The following EFHC1 variants were observed in gnomAD, a reference collection of about 807,000 sequenced individuals.
EFHC1 encodes the protein EF-hand domain containing 1.
In EFHC1, 53 loss-of-function variants were observed where a neutral mutation model predicts 69.9. The ratio of observed to expected loss-of-function variants is 0.76; its 90% CI spans 0.61 to 0.95. EFHC1 has a LOEUF of 0.95. Among genes scored for constraint, EFHC1 ranks in the 40% least tolerant of loss-of-function variants. The pLI, the probability that EFHC1 is intolerant of heterozygous loss-of-function variation, is 0.00. For synonymous variants in EFHC1, 256 were observed against 278.4 expected (o/e 0.92, Z 0.80); for missense variants, 739 against 798.7 (o/e 0.93, Z 0.90).
intron 5 of EFHC1, among the ~76,000 whole-genome samples, chr6:52,462,700 A>T (rs1239629565): frequency 6.6e-6 from 1 of 152,098 alleles, no homozygotes; most frequent in Admixed American, 6.5e-5. Flanking sequence ...AGCCTGGCTA[A>T]TGTGGTGTGA....
chr6:52,462,061 A>G (rs566743086), intron 5 of EFHC1, among the ~76,000 whole-genome samples: 1 of 152,070 alleles, frequency 6.6e-6, no homozygotes, highest in Non-Finnish European at 1.5e-5. Flanking sequence ...ATAAACAGGT[A>G]TAAGACTTGA....
intron 2 of EFHC1, among the ~76,000 whole-genome samples, chr6:52,436,335 C>T (rs1477824639): frequency 6.6e-6 from 1 of 152,034 alleles, no homozygotes; most frequent in East Asian, 1.9e-4. Context: ...CTTGCCAGTT[C>T]TCTTGGTTTT....
At chr6:52,420,803 C>A (rs1764173488) in intron 1 of EFHC1, among the ~76,000 whole-genome samples, 1 of 152,080 alleles carries the variant, frequency 6.6e-6, no homozygotes, top group Non-Finnish European at 1.5e-5. Context: ...GCCTCTTGTC[C>A]CTTTAGATCA....
At chr6:52,436,842 A>G (rs906176298) in intron 2 of EFHC1, among the ~76,000 whole-genome samples, 2 of 152,122 alleles carry the variant, frequency 1.3e-5, no homozygotes, top group African/African-American at 4.8e-5. Context: ...GGGTTTCACC[A>G]TGTTGGCCAG....
intron 6 of EFHC1, 141 bp downstream of exon 6, chr6:52,465,256 C>G (rs1765277349): frequency 6.9e-6 from 5 of 722,280 alleles, no homozygotes; most frequent in South Asian, 5.4e-5. Context: ...AGAAGAAATA[C>G]AAATGACAAA....
At chr6:52,435,938 G>A (rs1286338454) in intron 2 of EFHC1, among the ~76,000 whole-genome samples, 1 of 152,194 alleles carries the variant, frequency 6.6e-6, no homozygotes, top group Non-Finnish European at 1.5e-5. Flanking sequence ...ATTGGGTTGT[G>A]AGTTAATAGT....
chr6:52,450,952 C>T lies in EFHC1; in HGVS notation c.574-1736C>T, dbSNP rs1273310841. Among the ~76,000 whole-genome samples, 3 of 152,052 alleles carry T rather than the reference C, an allele frequency of 2.0e-5. No individual in the cohort carries two copies. In the East Asian group the frequency reaches 5.8e-4, roughly 29 times the overall value. ...TAGCTGGGATTACAGGTGTGTACCACCATGCCTGGCTAATTTTTGTATTTT... is the reference window on the plus strand; with the variant it reads ...TAGCTGGGATTACAGGTGTGTACCATCATGCCTGGCTAATTTTTGTATTTT... On this transcript the variant is annotated intron_variant, in intron 3 of 10. Transcript: ENST00000371068.
rs561574552 is a variant in EFHC1, at chr6:52,450,478, T to C, written c.574-2210T>C. ...TATCTAAGAACTTGCTTTATGAATC[T>C]GGGTGTTCCTGTATTGGGTGCATAT... is the stretch of plus-strand genomic sequence containing the variant. On this transcript the variant is annotated intron_variant, in intron 3 of 10. Transcript: ENST00000371068. Among the ~76,000 whole-genome samples the C allele has an allele frequency of 3.3e-5, 5 of 152,348 alleles. No homozygotes were observed. The East Asian group carries it at 9.6e-4, about 29-fold the overall frequency.
In EFHC1 at chr6:52,495,759, T is replaced by C. The variant is rs1766042562; in HGVS notation, c.*3418T>C. ...TCAGAGGGAACTGTCTTCAATAAAG[T>C]TGGCACTGTCCACATACACTCCTTA... On this transcript the variant is annotated 3_prime_UTR_variant, in exon 11 of 11. Transcript: ENST00000371068. 1 of 370,338 alleles carries C rather than the reference T, an allele frequency of 2.7e-6. No individual in the cohort carries two copies. Among genetic ancestry groups the C allele is most frequent in the African/African-American group, 2.1e-5 (1 of 47,036 alleles). 22.9% of individuals were successfully genotyped at this position (370,338 alleles called of 1,614,324 possible). A position where few individuals can be genotyped will look rare whatever the true frequency, so the allele number is the denominator to read the frequency against.
chr6:52,436,968 C>CTA lies in EFHC1; in HGVS notation c.286-1330_286-1329dup, dbSNP rs1764548063. On this transcript the variant is annotated intron_variant, in intron 2 of 10. Coordinates refer to ENST00000371068, the MANE Select transcript of EFHC1 (RefSeq NM_018100.4). ...AGTTTATGTTTTTTAAATGTGTAAT[C>CTA]TATATATTGATACCATGTTGACTTC... Among the ~76,000 whole-genome samples, 3 of 152,258 alleles carry CTA rather than the reference C, an allele frequency of 2.0e-5. No individual in the cohort carries two copies. The South Asian group carries it at 6.2e-4, about 32-fold the overall frequency.
intron 3 of EFHC1, among the ~76,000 whole-genome samples, chr6:52,448,728 A>G (rs952437008): frequency 6.6e-6 from 1 of 152,152 alleles, no homozygotes; most frequent in East Asian, 1.9e-4. Context: ...TCATTAAGGG[A>G]TATTGAATTT....
At chr6:52,426,790 A>G (rs1468495058) in intron 2 of EFHC1, among the ~76,000 whole-genome samples, 3 of 152,188 alleles carry the variant, frequency 2.0e-5, no homozygotes, top group Non-Finnish European at 4.4e-5. Flanking sequence ...TGAGTTGCCA[A>G]GTCAAATATC....
chr6:52,453,350 C>T lies in EFHC1; in HGVS notation c.723+513C>T, dbSNP rs1221312999. ...GTTCTGAGCATTTTCCAACTCTGTT[C>T]CAACCTTCCTAATCCTCTCCCTTGT... On this transcript the variant is annotated intron_variant, in intron 4 of 10. Transcript: ENST00000371068. 11 of 1,287,102 alleles carry T rather than the reference C, an allele frequency of 8.5e-6. No homozygotes were observed. In the South Asian group the frequency reaches 1.1e-4, roughly 13 times the overall value. The allele number at this position is 1,287,102 out of a possible 1,614,324, so 79.7% of individuals were successfully genotyped here.
chr6:52,475,021 GC>G (rs1765516756), intron 7 of EFHC1, among the ~76,000 whole-genome samples: 1 of 129,450 alleles, frequency 7.7e-6, no homozygotes, highest in Admixed American at 7.6e-5. Context: ...TTTTTTTTTT[GC>G]AGTTTTCTCT....
intron 6 of EFHC1, among the ~76,000 whole-genome samples, chr6:52,465,442 G>A (rs1236302231): frequency 1.3e-5 from 2 of 151,976 alleles, no homozygotes; most frequent in Admixed American, 1.3e-4. Context: ...TAAACTTTCT[G>A]AAAGGCAATT....
intron 9 of EFHC1, chr6:52,486,264 T>G (rs955064633): frequency 2.7e-4 from 41 of 152,220 alleles, no homozygotes; most frequent in African/African-American, 9.7e-4. Context: ...CATAGGTAAC[T>G]GAGTATTAAC....
intron 2 of EFHC1, among the ~76,000 whole-genome samples, chr6:52,434,273 C>T (rs2113975434): frequency 6.6e-6 from 1 of 152,312 alleles, no homozygotes; most frequent in East Asian, 1.9e-4. Flanking sequence ...TTCCCAGTGC[C>T]TCTGGCTGCC....
intron 4 of EFHC1, 136 bp downstream of exon 4, chr6:52,452,973 C>T (rs1764952002): frequency 3.2e-6 from 5 of 1,579,298 alleles, no homozygotes; most frequent in Non-Finnish European, 4.3e-6. Flanking sequence ...GGACACAGTA[C>T]TGTCTTTCTG....
At chr6:52,446,627 C>G (rs1467465638) in intron 3 of EFHC1, among the ~76,000 whole-genome samples, 1 of 152,096 alleles carries the variant, frequency 6.6e-6, no homozygotes, top group Non-Finnish European at 1.5e-5. Flanking sequence ...TTATTTTGCT[C>G]ATTAGTTGAT....
Sources: gnomAD v4.1 joint callset for allele counts (sites outside exome capture counted in the v4.1 genomes callset) on GRCh38, gnomAD v4.1.1 for gene constraint, MANE v1.5 for transcripts, NCBI Gene and HGNC (gene_info 2026-07-23, HGNC 2026-07-21) for gene names.